The following ZNF816 variants were observed in gnomAD, a reference collection of about 807,000 sequenced individuals.
ZNF816 encodes the protein zinc finger protein 816, also known as zinc finger protein 816A.
ZNF816 carries 11 observed loss-of-function variants against 8.3 expected under a neutral mutation model. That is an observed-to-expected ratio of 1.32 (90% CI 0.83 to 2.19). The LOEUF (loss-of-function observed/expected upper bound fraction) is 2.19, where lower values mean the gene tolerates loss of function less well. ZNF816 is among the 30% of genes most tolerant of loss of function. The pLI is 0.00. For missense variants in ZNF816, 710 were observed against 779.3 expected, an observed-to-expected ratio of 0.91 and a Z score of 1.06; for synonymous variants, 255 against 254.5, an observed-to-expected ratio of 1.00 and a Z score of -0.02.
At chr19:52,955,298 A>G (rs1349421741) in intron 2 of ZNF816, among the ~76,000 whole-genome samples, 1 of 152,222 alleles carries the variant, frequency 6.6e-6, no homozygotes, top group East Asian at 1.9e-4. Flanking sequence ...TTTGAAGTCA[A>G]TGATGGAATA....
At chr19:52,955,949 AGAG>A in intron 2 of ZNF816, 75 bp downstream of exon 2, 1 of 1,541,636 alleles carries the variant, frequency 6.5e-7, no homozygotes, top group South Asian at 1.2e-5. Context: ...CTTCACACTC[AGAG>A]AAGATTGGCT....
At position 52,950,695 on chromosome 19, in the gene ZNF816, C is replaced by T. The variant is rs1182984736; in HGVS notation, c.1080G>A (p.Lys360=). 6.2e-7 allele frequency: 1 copy of T among 1,608,542 alleles called. No homozygotes were observed. ...FGRNSALVIH[K]AIHTGEKPYK... is the part of the protein sequence containing the mutation. Reference sequence around the variant, plus strand: ...AAGGTTTCTCTCCAGTATGAATTGCCTTATGAATTACAAGGGCTGAATTTC... The same window carrying T: ...AAGGTTTCTCTCCAGTATGAATTGCTTTATGAATTACAAGGGCTGAATTTC... The change falls in exon 4 of 4, where the codon AAG becomes AAA. Residue 360 remains lysine (K), a synonymous_variant. Transcript: ENST00000444460.
intron 2 of ZNF816, among the ~76,000 whole-genome samples, chr19:52,954,813 CA>C (rs543817856): frequency 3.3e-3 from 299 of 91,972 alleles, no homozygotes; most frequent in Middle Eastern, 0.012. Context: ...AAAAAACATG[CA>C]AAAAAAAAAA....
Position 52,952,607 on chromosome 19 carries a change from G to A in ZNF816, c.190+144C>T, listed in dbSNP as rs765872242. On this transcript the variant is annotated intron_variant, in intron 3 of 3. Transcript: ENST00000444460. ...AGTCTCTAAGAAGCTGTCCATGACA[G>A]ATAGGAGGGTCATCACCGCAGAAAA... 3.4e-6 allele frequency: 5 copies of A among 1,477,000 alleles called. No homozygotes were observed. In the Admixed American group the frequency reaches 8.3e-5, roughly 25 times the overall value. 91.5% of individuals were successfully genotyped at this position (1,477,000 alleles called of 1,614,324 possible).
rs1050462034 is a variant in ZNF816 at position 52,957,219 on chromosome 19, G to A, written c.-15-1115C>T. Among the ~76,000 whole-genome samples, 13 of 152,228 alleles carry A rather than the reference G, an allele frequency of 8.5e-5. 1 individual carries two copies. Among genetic ancestry groups the A allele is most frequent in the Admixed American group, 6.5e-4 (10 of 15,296 alleles). ...GTCATGCTACATTTCTTGGTTCCCT[G>A]ACTTGGAAGCGAGGTAATTAACAGA... On this transcript the variant is annotated intron_variant, in intron 1 of 3. Coordinates refer to ENST00000444460, the MANE Select transcript of ZNF816 (RefSeq NM_001202457.3). This position sits in a 1 kb window ranked among gnomAD's most constrained non-coding sequence, Gnocchi z 4.6.
intron 1 of ZNF816, among the ~76,000 whole-genome samples, chr19:52,958,534 C>A (rs563496668): frequency 6.6e-6 from 1 of 152,142 alleles, no homozygotes; most frequent in African/African-American, 2.4e-5. Flanking sequence ...ACCTAGGCTG[C>A]GCATTGCTCC....
intron 2 of ZNF816, among the ~76,000 whole-genome samples, chr19:52,955,444 C>T (rs2083501567): frequency 1.3e-5 from 2 of 152,292 alleles, no homozygotes; most frequent in South Asian, 4.1e-4. Context: ...GCCACTTAAG[C>T]CCAGGAGTTC....
chr19:52,956,363 C>G, intron 1 of ZNF816: 1 of 354,744 alleles, frequency 2.8e-6, no homozygotes, highest in East Asian at 5.4e-5. Context: ...GGGCACAGAT[C>G]TAGCCCTAAC....
Position 52,951,862 on chromosome 19 carries a change from C to A in ZNF816, c.191-278G>T, listed in dbSNP as rs1323071864. 7.1e-6 allele frequency: 3 copies of A among 424,782 alleles called. No homozygotes were observed. In the South Asian group the frequency reaches 2.6e-4, roughly 37 times the overall value. 26.3% of individuals were successfully genotyped at this position (424,782 alleles called of 1,614,324 possible). On this transcript the variant is annotated intron_variant, in intron 3 of 3. Transcript: ENST00000444460. ...GCAGCATGCGGAGATCACCACATTG[C>A]ACTCCAGCCTGGGCAACAAGAGCAA... is the stretch of plus-strand genomic sequence containing the variant.
At position 52,951,604 on chromosome 19, in the gene ZNF816, A is replaced by T. The variant is rs2122141997; in HGVS notation, c.191-20T>A. On this transcript the variant is annotated intron_variant, in intron 3 of 3. Transcript: ENST00000444460. Reference sequence around the variant, plus strand: ...AGCTATCTAAAAAATATAAAGACCAATAGGTTTCCAATTAAGTACAGATGG... The same window carrying T: ...AGCTATCTAAAAAATATAAAGACCATTAGGTTTCCAATTAAGTACAGATGG... 1 of 1,518,188 alleles carries T rather than the reference A, an allele frequency of 6.6e-7. No individual in the cohort carries two copies. Among genetic ancestry groups the T allele is most frequent in the Middle Eastern group, 1.8e-4 (1 of 5,626 alleles). 94.0% of individuals were successfully genotyped at this position (1,518,188 alleles called of 1,614,324 possible).
intron 3 of ZNF816, 189 bp downstream of exon 3, chr19:52,952,562 G>GT: frequency 8.9e-7 from 1 of 1,123,206 alleles, no homozygotes; most frequent in Non-Finnish European, 1.2e-6. Context: ...CTGTTTTTAT[G>GT]TAAAACCACT....
intron 1 of ZNF816, 54 bp downstream of exon 1, chr19:52,962,673 G>C (rs1436459326): frequency 2.0e-5 from 3 of 152,386 alleles, no homozygotes; most frequent in East Asian, 3.9e-4. Context: ...CCGGGGACGG[G>C]ACCAGCCTCA....
At chr19:52,961,647 T>C (rs2083558077) in intron 1 of ZNF816, among the ~76,000 whole-genome samples, 1 of 152,184 alleles carries the variant, frequency 6.6e-6, no homozygotes, top group African/African-American at 2.4e-5. Flanking sequence ...CAAGTTGCCA[T>C]TTTAGTCCGA....
intron 1 of ZNF816, among the ~76,000 whole-genome samples, chr19:52,958,631 TA>T (rs2083530232): frequency 6.6e-6 from 1 of 152,148 alleles, no homozygotes. Context: ...CTTGGAGGAC[TA>T]TAGGTATAAG....
At chr19:52,956,270 A>G in intron 1 of ZNF816, 166 bp from the exon 2 acceptor site, 1 of 743,478 alleles carries the variant, frequency 1.3e-6, no homozygotes, top group South Asian at 2.1e-5. Context: ...GAAGACCTAC[A>G]AATGTAATTT....
chr19:52,956,518 G>A (rs1239935961), intron 1 of ZNF816, among the ~76,000 whole-genome samples: 1 of 152,144 alleles, frequency 6.6e-6, no homozygotes, highest in Non-Finnish European at 1.5e-5. Context: ...ATTGAGTGTG[G>A]GTCCCATCCT....
chr19:52,950,684 G>A lies in ZNF816; in HGVS notation c.1091C>T (p.Thr364Ile). 2 of 1,614,144 alleles carry A rather than the reference G, an allele frequency of 1.2e-6. No homozygotes were observed. The highest frequency in any genetic ancestry group is 8.5e-7 in the Non-Finnish European group (1 of 1,180,010). The change falls in exon 4 of 4, where the codon ACT (threonine) becomes ATT (isoleucine). Residue 364 changes from threonine (T) to isoleucine (I), a missense_variant. Physicochemically the swap from Thr to Ile is moderately conservative, Grantham distance 89. Coordinates refer to ENST00000444460, the MANE Select transcript of ZNF816 (RefSeq NM_001202457.3). ...SALVIHKAIH[T>I]GEKPYKCNEC... ...ATTACACTTGTAAGGTTTCTCTCCAGTATGAATTGCCTTATGAATTACAAG... is the reference window on the plus strand; with the variant it reads ...ATTACACTTGTAAGGTTTCTCTCCAATATGAATTGCCTTATGAATTACAAG...
chr19:52,950,681 C>T lies in ZNF816; in HGVS notation c.1094G>A (p.Gly365Glu), dbSNP rs999157262. The change falls in exon 4 of 4, where the codon GGA (glycine) becomes GAA (glutamate). Residue 365 changes from glycine to glutamate, a missense_variant. By Grantham distance (98) the Gly-to-Glu change is moderately conservative. Coordinates refer to ENST00000444460, the MANE Select transcript of ZNF816 (RefSeq NM_001202457.3). ...ALVIHKAIHT[G>E]EKPYKCNECG... is the part of the protein sequence containing the mutation. ...CTCATTACACTTGTAAGGTTTCTCT[C>T]CAGTATGAATTGCCTTATGAATTAC... The T allele has an allele frequency of 9.3e-6, 15 of 1,614,062 alleles. No homozygotes were observed. The highest frequency in any genetic ancestry group is 1.2e-5 in the Non-Finnish European group (14 of 1,180,032).
At chr19:52,956,266 C>G (rs2083509726) in intron 1 of ZNF816, 162 bp from the exon 2 acceptor site, 1 of 759,936 alleles carries the variant, frequency 1.3e-6, no homozygotes, top group South Asian at 2.0e-5. Context: ...ACAGGAAGAC[C>G]TACAAATGTA....
Sources: gnomAD v4.1 joint callset for allele counts (sites outside exome capture counted in the v4.1 genomes callset) on GRCh38, gnomAD v4.1.1 for gene constraint, Gnocchi (gnomAD v3.1) non-coding constraint, MANE v1.5 for transcripts, NCBI Gene and HGNC (gene_info 2026-07-23, HGNC 2026-07-21) for gene names.